Variants in SEC14L5 observed in about 807,000 individuals in gnomAD.
SEC14L5 encodes SEC14-like protein 5.
In SEC14L5, 96 loss-of-function variants were observed where a neutral mutation model predicts 84.6. That is an observed-to-expected ratio of 1.13 (90% confidence interval 0.96 to 1.34). The LOEUF (loss-of-function observed/expected upper bound fraction) is 1.34. Among genes scored for constraint, SEC14L5 ranks in the 40% most tolerant of loss-of-function variants. SEC14L5 has a pLI of 0.00. For synonymous variants in SEC14L5, 546 were observed against 383.4 expected (o/e 1.42, Z -4.95); for missense variants, 1,224 against 942.5 (o/e 1.30, Z -3.91).
intron 12 of SEC14L5, 43 bp from the exon 13 acceptor site, chr16:5,007,297 GGCCAGCCAGGCC>G: frequency 6.3e-7 from 1 of 1,579,420 alleles, no homozygotes; most frequent in East Asian, 2.3e-5. Context: ...CTGTGGGTCA[GGCCAGCCAGGCC>G]TCAACTGGCC....
rs999130372 is a variant in SEC14L5 at position 5,005,902 on chromosome 16, T to G, written c.1303-12T>G. On this transcript the variant is annotated splice_polypyrimidine_tract_variant and intron_variant, in intron 11 of 15. Coordinates refer to ENST00000251170, the MANE Select transcript of SEC14L5 (RefSeq NM_014692.2). ...AAAAAACCATCCATCTTGCCTTATG[T>G]CCTGGTTTCAGATCAGCCCCTTCAT... 6.4e-7 allele frequency: 1 copy of G among 1,561,136 alleles called. No individual in the cohort carries two copies.
Position 5,010,828 on chromosome 16 carries a change from C to T in SEC14L5, c.1801-267C>T, listed in dbSNP as rs1373719094. ...ACAAAATCCAGGTGTTTAAGCACCT[C>T]TGTTGTCCTGAAGTTGCACCCCCAC... On this transcript the variant is annotated intron_variant, in intron 14 of 15. Transcript: ENST00000251170. The T allele has an allele frequency of 6.3e-6, 3 of 475,562 alleles. No individual in the cohort carries two copies. The East Asian group carries it at 9.4e-5, about 15-fold the overall frequency. 29.5% of individuals were successfully genotyped at this position (475,562 alleles called of 1,614,324 possible).
At chr16:4,979,788 T>C (rs1451101752) in intron 2 of SEC14L5, among the ~76,000 whole-genome samples, 1 of 152,054 alleles carries the variant, frequency 6.6e-6, no homozygotes, top group Non-Finnish European at 1.5e-5. Context: ...GAACCTGAGG[T>C]TGGTTTCTGC....
intron 15 of SEC14L5, 23 bp from the exon 16 acceptor site, chr16:5,014,836 T>C: frequency 6.3e-7 from 1 of 1,585,246 alleles, no homozygotes; most frequent in Non-Finnish European, 8.7e-7. Flanking sequence ...GAGGGTAACG[T>C]GTGCCACGCC....
intron 15 of SEC14L5, among the ~76,000 whole-genome samples, chr16:5,013,204 A>G (rs892394727): frequency 5.3e-5 from 8 of 152,138 alleles, no homozygotes; most frequent in Non-Finnish European, 7.3e-5. Context: ...TACTTGGGCC[A>G]TAGAGCCAAA....
At chr16:4,991,124 T>C (rs1043666777) in intron 5 of SEC14L5, among the ~76,000 whole-genome samples, 3 of 151,426 alleles carry the variant, frequency 2.0e-5, no homozygotes, top group African/African-American at 4.9e-5. Flanking sequence ...TCCAGGCTTA[T>C]GTGGTGAATT....
intron 8 of SEC14L5, among the ~76,000 whole-genome samples, chr16:4,998,002 T>TCC (rs55770641): frequency 2.7e-5 from 3 of 111,582 alleles, no homozygotes; most frequent in African/African-American, 9.8e-5. Flanking sequence ...AGACTCTAGT[T>TCC]CTTTTTTTTT....
At chr16:5,007,533 C>T (rs755424888) in intron 13 of SEC14L5, 47 bp downstream of exon 13, 41 of 1,580,618 alleles carry the variant, frequency 2.6e-5, no homozygotes, top group Non-Finnish European at 3.1e-5. Context: ...GAGTGTCTGT[C>T]GTCTTAGGTC....
intron 15 of SEC14L5, among the ~76,000 whole-genome samples, chr16:5,013,246 G>A (rs1181737499): frequency 6.6e-6 from 1 of 152,210 alleles, no homozygotes; most frequent in Non-Finnish European, 1.5e-5. Context: ...GAGGTGCTCA[G>A]GGACGTAACC....
intron 5 of SEC14L5, among the ~76,000 whole-genome samples, chr16:4,991,238 A>G (rs773731261): frequency 6.7e-6 from 1 of 150,310 alleles, no homozygotes; most frequent in Non-Finnish European, 1.5e-5. Context: ...ATCCCTGAGT[A>G]AAAACCCGTT....
chr16:5,015,024 A>G lies in SEC14L5; in HGVS notation c.*54A>G, dbSNP rs1457550925. ...TCGCCTCCAGTGTCCAGAAATGTCC[A>G]GAATGAGAAGCCAGCTAACTGCAGG... On this transcript the variant is annotated 3_prime_UTR_variant, in exon 16 of 16. Coordinates refer to ENST00000251170, the MANE Select transcript of SEC14L5 (RefSeq NM_014692.2). The G allele has an allele frequency of 7.2e-7, 1 of 1,391,818 alleles. No individual in the cohort carries two copies. The highest frequency in any genetic ancestry group is 1.0e-6 in the Non-Finnish European group (1 of 992,686). The allele number at this position is 1,391,818 out of a possible 1,614,324, so 86.2% of individuals were successfully genotyped here. A position where few individuals can be genotyped will look rare whatever the true frequency, so the allele number is the denominator to read the frequency against.
chr16:4,965,659 TCAA>T (rs1955191725), intron 2 of SEC14L5, among the ~76,000 whole-genome samples: 1 of 39,008 alleles, frequency 2.6e-5, no homozygotes, highest in African/African-American at 1.3e-4. Context: ...AGACTCCATC[TCAA>T]AAAAAAAAAA....
intron 13 of SEC14L5, 66 bp downstream of exon 13, chr16:5,007,552 C>G: frequency 7.3e-7 from 1 of 1,369,032 alleles, no homozygotes. Context: ...TCAGGTGACC[C>G]CAAAACACAG....
intron 15 of SEC14L5, among the ~76,000 whole-genome samples, chr16:5,012,331 G>A (rs1388763790): frequency 6.6e-6 from 1 of 152,036 alleles, no homozygotes; most frequent in Admixed American, 6.6e-5. Flanking sequence ...GGCCAGAGGG[G>A]TGGGCTGGGC....
At chr16:4,989,080 C>G (rs1955525361) in intron 4 of SEC14L5, among the ~76,000 whole-genome samples, 1 of 152,214 alleles carries the variant, frequency 6.6e-6, no homozygotes, top group African/African-American at 2.4e-5. Flanking sequence ...TGAGGTCTGC[C>G]AAGGTGAGGC....
chr16:4,975,962 G>T (rs533174647), intron 2 of SEC14L5, among the ~76,000 whole-genome samples: 1 of 152,196 alleles, frequency 6.6e-6, no homozygotes, highest in African/African-American at 2.4e-5. Flanking sequence ...ACGTTTTGGC[G>T]TAAGTGGCAT....
Position 4,976,263 on chromosome 16 carries a change from A to T in SEC14L5, c.64-11294A>T, listed in dbSNP as rs368764192. On this transcript the variant is annotated intron_variant, in intron 2 of 15. Coordinates refer to ENST00000251170, the MANE Select transcript of SEC14L5 (RefSeq NM_014692.2). ...GAATTAAGGAACTGAGAGCTTGATGATTTTTTCACACAGCTGATGAGAGGC... is the reference window on the plus strand; with the variant it reads ...GAATTAAGGAACTGAGAGCTTGATGTTTTTTTCACACAGCTGATGAGAGGC... 8.6e-5 allele frequency among the ~76,000 whole-genome samples: 13 copies of T among 151,936 alleles called. No individual in the cohort carries two copies. The East Asian group carries it at 2.5e-3, about 29-fold the overall frequency.
Position 5,000,871 on chromosome 16 carries a change from A to C in SEC14L5, c.1076A>C (p.Glu359Ala). The change falls in exon 10 of 16, where the codon GAG (glutamate) becomes GCG (alanine). Residue 359 changes from glutamate to alanine, a missense_variant. By Grantham distance (107) the Glu-to-Ala change is moderately radical. Transcript: ENST00000251170. Reference protein sequence around the residue: ...ALLRHVLSVNEEGQKRCEGST... With the variant: ...ALLRHVLSVNAEGQKRCEGST... ...CCCTTCCAGGTTCTCTCCGTCAACG[A>C]GGAAGGACAGAAGCGGTGTGAGGGG... The C allele has an allele frequency of 1.2e-6, 2 of 1,607,796 alleles. No individual in the cohort carries two copies. The highest frequency in any genetic ancestry group is 1.7e-6 in the Non-Finnish European group (2 of 1,177,240).
At chr16:4,999,397 G>A (rs1356890793) in intron 8 of SEC14L5, among the ~76,000 whole-genome samples, 1 of 152,128 alleles carries the variant, frequency 6.6e-6, no homozygotes, top group East Asian at 1.9e-4. Context: ...TTAAGCCCAG[G>A]AGTTCGAGAC....
Sources: gnomAD v4.1 joint callset for allele counts (sites outside exome capture counted in the v4.1 genomes callset) on GRCh38, gnomAD v4.1.1 for gene constraint, MANE v1.5 for transcripts, NCBI Gene and HGNC (gene_info 2026-07-23, HGNC 2026-07-21) for gene names.